ZFHX3: variants seen among roughly 807,000 people sequenced by gnomAD.
ZFHX3 encodes zinc finger homeobox protein 3.
ZFHX3 carries 42 observed loss-of-function variants against 279.1 expected under a neutral mutation model. The ratio of observed to expected loss-of-function variants is 0.15; its 90% confidence interval spans 0.12 to 0.19. The LOEUF (loss-of-function observed/expected upper bound fraction) is 0.19. ZFHX3 is among the 10% of genes least tolerant of loss of function. The pLI is 1.00. For synonymous variants in ZFHX3, 2,293 were observed against 1,957.8 expected, an observed-to-expected ratio of 1.17 and a Z score of -4.52; for missense variants, 4,981 against 4,754.0, an observed-to-expected ratio of 1.05 and a Z score of -1.40.
In ZFHX3 at chr16:73,646,568, T is replaced by TA. The variant is rs532854923; in HGVS notation, c.-1547+33611dup. Among the ~76,000 whole-genome samples, 67 of 152,060 alleles carry TA rather than the reference T, an allele frequency of 4.4e-4. No homozygotes were observed. The East Asian group carries it at 9.9e-3, about 22-fold the overall frequency. Reference sequence around the variant, plus strand: ...ATCTGTAAGATACATAAATGTCTCCTAAAAAAGAAAGGAAAGACAATTAAT... The same window carrying TA: ...ATCTGTAAGATACATAAATGTCTCCTAAAAAAAGAAAGGAAAGACAATTAAT... On this transcript the variant is annotated intron_variant, in intron 2 of 17. Transcript: ENST00000641206.
chr16:73,071,935 T>G (rs1965830996), intron 8 of ZFHX3, among the ~76,000 whole-genome samples: 1 of 152,272 alleles, frequency 6.6e-6, no homozygotes, highest in East Asian at 1.9e-4. Flanking sequence ...ATGGGCCCCA[T>G]TGCTTCCACC....
At chr16:73,567,359 T>C (rs2020466210) in intron 2 of ZFHX3, among the ~76,000 whole-genome samples, 1 of 152,214 alleles carries the variant, frequency 6.6e-6, no homozygotes, top group African/African-American at 2.4e-5. Flanking sequence ...TCACAACTTT[T>C]CTTCCTTTGA....
chr16:73,294,525 TG>T (rs2143109549), intron 4 of ZFHX3, among the ~76,000 whole-genome samples: 1 of 152,274 alleles, frequency 6.6e-6, no homozygotes, highest in East Asian at 1.9e-4. Flanking sequence ...AAAACAGGCC[TG>T]GGGGCTGGGC....
At position 73,784,534 on chromosome 16, in the gene ZFHX3, G is replaced by A. The variant is rs910899064; in HGVS notation, c.-1607-104294C>T. Among the ~76,000 whole-genome samples, 7 of 152,112 alleles carry A rather than the reference G, an allele frequency of 4.6e-5. No homozygotes were observed. The East Asian group carries it at 1.4e-3, about 30-fold the overall frequency. ...GAGGCCAAAGCAGGCAGATCATGAG[G>A]TCAAGAGATCGAGACAATCCTGGCC... On this transcript the variant is annotated intron_variant, in intron 1 of 17. Coordinates refer to the ZFHX3 transcript ENST00000641206.
intron 1 of ZFHX3, among the ~76,000 whole-genome samples, chr16:73,786,488 G>A (rs1384280022): frequency 3.3e-5 from 5 of 152,146 alleles, no homozygotes; most frequent in African/African-American, 9.7e-5. Context: ...GATCTCAGCT[G>A]ACAGTATCTG....
At chr16:73,309,563 G>A (rs1308614157) in intron 4 of ZFHX3, among the ~76,000 whole-genome samples, 1 of 152,242 alleles carries the variant, frequency 6.6e-6, no homozygotes, top group Non-Finnish European at 1.5e-5. Flanking sequence ...GATGTGGGAA[G>A]CGACAGATGA....
At chr16:73,403,481 G>A (rs559088407) in intron 3 of ZFHX3, among the ~76,000 whole-genome samples, 10 of 152,316 alleles carry the variant, frequency 6.6e-5, no homozygotes, top group East Asian at 3.9e-4. Context: ...CTGTGTGCAC[G>A]TTTGTACCTT....
chr16:72,806,703 GA>G (rs1328702702), intron 7 of ZFHX3, among the ~76,000 whole-genome samples: 1 of 152,032 alleles, frequency 6.6e-6, no homozygotes, highest in Non-Finnish European at 1.5e-5. Context: ...GACGCTGACG[GA>G]AAAAAATCAC....
intron 3 of ZFHX3, among the ~76,000 whole-genome samples, chr16:73,352,180 C>G (rs546048310): frequency 2.6e-5 from 4 of 152,176 alleles, no homozygotes; most frequent in Non-Finnish European, 5.9e-5. Flanking sequence ...GCCTCTCACC[C>G]GCAGAGAGGG....
chr16:73,504,791 T>A (rs549227703), intron 2 of ZFHX3: 1 of 152,282 alleles, frequency 6.6e-6, no homozygotes, highest in East Asian at 1.9e-4. Flanking sequence ...TCCGTGGAGA[T>A]TGGCTGCTGG....
intron 3 of ZFHX3, among the ~76,000 whole-genome samples, chr16:72,906,408 G>A (rs759876857): frequency 6.6e-6 from 1 of 151,886 alleles, no homozygotes; most frequent in Non-Finnish European, 1.5e-5. Context: ...GGGGAGCATC[G>A]CCAATCTTAT....
chr16:73,865,335 T>A (rs922547821), intron 1 of ZFHX3, among the ~76,000 whole-genome samples: 1 of 152,070 alleles, frequency 6.6e-6, no homozygotes, highest in Non-Finnish European at 1.5e-5. Context: ...CATGCAGAGA[T>A]GTTAAGGCCC....
intron 1 of ZFHX3, among the ~76,000 whole-genome samples, chr16:73,055,212 A>G (rs1965522521): frequency 6.6e-6 from 1 of 151,644 alleles, no homozygotes; most frequent in Non-Finnish European, 1.5e-5. Context: ...TTGTAACCGG[A>G]TCTAGAGACC....
At position 73,221,605 on chromosome 16, in the gene ZFHX3, GA is replaced by G. The variant is rs573777607; in HGVS notation, c.-1104+35441del. Among the ~76,000 whole-genome samples the G allele has an allele frequency of 5.4e-5, 8 of 149,168 alleles. No homozygotes were observed. In the East Asian group the frequency reaches 7.8e-4, roughly 15 times the overall value. ...AGCCACCTGTTCCCCAAAAACTATC[GA>G]AAAAAAAATGTATGGGAACTCCCAT... is the stretch of plus-strand genomic sequence containing the variant. On this transcript the variant is annotated intron_variant, in intron 5 of 17. Coordinates refer to the ZFHX3 transcript ENST00000641206.
intron 2 of ZFHX3, among the ~76,000 whole-genome samples, chr16:73,471,707 G>A (rs770554678): frequency 8.5e-5 from 13 of 152,188 alleles, no homozygotes; most frequent in Non-Finnish European, 1.9e-4. Flanking sequence ...CAAGGACTAG[G>A]TCAAAAGGAA....
At chr16:72,883,170 T>A (rs555597700) in intron 4 of ZFHX3, among the ~76,000 whole-genome samples, 1 of 152,200 alleles carries the variant, frequency 6.6e-6, no homozygotes, top group East Asian at 1.9e-4. Context: ...GCACTGACCT[T>A]TGCAGATTGT....
At chr16:73,838,215 A>T (rs1961195523) in intron 1 of ZFHX3, among the ~76,000 whole-genome samples, 1 of 152,206 alleles carries the variant, frequency 6.6e-6, no homozygotes, top group African/African-American at 2.4e-5. Context: ...GTTAGGACTT[A>T]CATGTTGCTT....
At chr16:73,534,095 C>T (rs1490856978) in intron 2 of ZFHX3, among the ~76,000 whole-genome samples, 1 of 152,150 alleles carries the variant, frequency 6.6e-6, no homozygotes, top group Non-Finnish European at 1.5e-5. Flanking sequence ...AGCCCATGTT[C>T]TTACAAGGGC....
chr16:72,917,023 G>A (rs1204103469), intron 3 of ZFHX3, among the ~76,000 whole-genome samples: 1 of 152,166 alleles, frequency 6.6e-6, no homozygotes, highest in Non-Finnish European at 1.5e-5. Flanking sequence ...TGGATTGCTT[G>A]AGCCAAGGAG....
Sources: gnomAD v4.1 joint callset for allele counts (sites outside exome capture counted in the v4.1 genomes callset) on GRCh38, gnomAD v4.1.1 for gene constraint, MANE v1.5 for transcripts, NCBI Gene and HGNC (gene_info 2026-07-23, HGNC 2026-07-21) for gene names.